The following VWDE variants were observed in gnomAD, a reference collection of about 807,000 sequenced individuals.
VWDE encodes the protein von Willebrand factor D and EGF domain-containing protein.
VWDE carries 207 observed loss-of-function variants against 178.4 expected under a neutral mutation model. That is an observed-to-expected ratio of 1.16 (90% confidence interval 1.04 to 1.30). The LOEUF is 1.30. VWDE is among the 50% of genes most tolerant of loss of function. The probability of loss-of-function intolerance (pLI) is 0.00; values close to 1 mark genes in which losing one functional copy is unlikely to be tolerated. For synonymous variants in VWDE, 738 were observed against 651.4 expected, an observed-to-expected ratio of 1.13 and a Z score of -2.02; for missense variants, 2,287 against 1,901.3, an observed-to-expected ratio of 1.20 and a Z score of -3.77.
At chr7:12,379,451 T>G in intron 6 of VWDE, 26 bp downstream of exon 6, 1 of 1,488,548 alleles carries the variant, frequency 6.7e-7, no homozygotes, top group South Asian at 1.2e-5. Flanking sequence ...GAATAATCTT[T>G]CTGATGCATC....
At chr7:12,366,676 TAATTTAGAG>T (rs1301860820) in intron 13 of VWDE, among the ~76,000 whole-genome samples, 1 of 152,112 alleles carries the variant, frequency 6.6e-6, no homozygotes, top group African/African-American at 2.4e-5. Flanking sequence ...TTGGCTTCAT[TAATTTAGAG>T]AAAAAGTAAG....
In VWDE at chr7:12,356,466, A is replaced by G; in HGVS notation, c.3526-136T>C. 9.1e-6 allele frequency: 6 copies of G among 657,218 alleles called. No individual in the cohort carries two copies. In the South Asian group the frequency reaches 1.3e-4, roughly 14 times the overall value. The allele number at this position is 657,218 out of a possible 1,614,324, so 40.7% of individuals were successfully genotyped here. On this transcript the variant is annotated intron_variant, in intron 17 of 28. Coordinates refer to ENST00000275358, the MANE Select transcript of VWDE (RefSeq NM_001135924.3). ...ACTTATATTTGATATATATACACAC[A>G]CACACAAATGTAATATAAAATTGTA...
intron 6 of VWDE, among the ~76,000 whole-genome samples, chr7:12,379,176 A>G (rs1306057104): frequency 6.6e-6 from 1 of 152,200 alleles, no homozygotes; most frequent in Non-Finnish European, 1.5e-5. Flanking sequence ...ATAACTAAAT[A>G]TTACTAGGCT....
intron 18 of VWDE, 132 bp from the exon 19 acceptor site, chr7:12,351,845 G>GTCA: frequency 1.3e-6 from 1 of 752,682 alleles, no homozygotes; most frequent in Non-Finnish European, 2.0e-6. Flanking sequence ...TCACTTAAAT[G>GTCA]TCATCTCTTC....
chr7:12,403,611 C>T (rs1785017533), intron 1 of VWDE, 48 bp downstream of exon 1: 1 of 1,518,430 alleles, frequency 6.6e-7, no homozygotes, highest in South Asian at 1.2e-5. Flanking sequence ...CTCTACCGCC[C>T]ACGCGGCGCC....
intron 28 of VWDE, among the ~76,000 whole-genome samples, chr7:12,331,452 C>G (rs1780716034): frequency 6.6e-6 from 1 of 152,052 alleles, no homozygotes; most frequent in Admixed American, 6.6e-5. Flanking sequence ...TTAGAAACAT[C>G]CATGCCCAAT....
At chr7:12,387,343 T>C (rs975846654) in intron 3 of VWDE, among the ~76,000 whole-genome samples, 5 of 152,020 alleles carry the variant, frequency 3.3e-5, no homozygotes, top group Non-Finnish European at 4.4e-5. Flanking sequence ...TGAAAAAAGA[T>C]TGCATTACAG....
chr7:12,356,046 T>C, intron 18 of VWDE, 65 bp downstream of exon 18: 1 of 1,289,238 alleles, frequency 7.8e-7, no homozygotes, highest in Non-Finnish European at 1.1e-6. Flanking sequence ...TTTGCTTAAG[T>C]AATCTGTAGA....
At chr7:12,383,405 T>C in intron 4 of VWDE, 131 bp downstream of exon 4, 1 of 732,162 alleles carries the variant, frequency 1.4e-6, no homozygotes, top group Non-Finnish European at 2.2e-6. Flanking sequence ...ATTTTTATTT[T>C]TGATAGCTAC....
chr7:12,403,483 T>A (rs904735031), intron 1 of VWDE, among the ~76,000 whole-genome samples, 176 bp downstream of exon 1: 1 of 152,140 alleles, frequency 6.6e-6, no homozygotes, highest in Non-Finnish European at 1.5e-5. Flanking sequence ...AGCTGGAAAT[T>A]GACCTTTTCA....
chr7:12,374,793 T>C (rs1198614180), intron 8 of VWDE, 31 bp from the exon 9 acceptor site: 11 of 1,359,718 alleles, frequency 8.1e-6, no homozygotes, highest in Non-Finnish European at 1.1e-5. Context: ...TGGTAAATAT[T>C]ACCATTAATT....
At position 12,351,797 on chromosome 7, in the gene VWDE, G is replaced by A. The variant is rs192388377; in HGVS notation, c.3746-84C>T. On this transcript the variant is annotated intron_variant, in intron 18 of 28. Coordinates refer to ENST00000275358, the MANE Select transcript of VWDE (RefSeq NM_001135924.3). The stretch of plus-strand genomic sequence containing the variant: ...ACAAATAAGAATATACAATACAAAC[G>A]CCACTTGGATTAAACTCTGCAAATT... 1.6e-5 allele frequency: 20 copies of A among 1,216,010 alleles called. No individual in the cohort carries two copies. The African/African-American group carries it at 2.2e-4, about 13-fold the overall frequency. 75.3% of individuals were successfully genotyped at this position (1,216,010 alleles called of 1,614,324 possible). A position where few individuals can be genotyped will look rare whatever the true frequency, so the allele number is the denominator to read the frequency against.
intron 1 of VWDE, among the ~76,000 whole-genome samples, chr7:12,396,891 T>A (rs1784652830): frequency 6.6e-6 from 1 of 152,102 alleles, no homozygotes; most frequent in South Asian, 2.1e-4. Context: ...GCCAAGGTCA[T>A]GCCATTACAC....
chr7:12,349,219 A>G (rs892197001), intron 19 of VWDE, among the ~76,000 whole-genome samples: 5 of 149,700 alleles, frequency 3.3e-5, no homozygotes, highest in African/African-American at 9.8e-5. Context: ...TAAAACTTAA[A>G]GTATAATAAT....
chr7:12,350,029 A>T (rs951817981), intron 19 of VWDE, among the ~76,000 whole-genome samples: 2 of 152,092 alleles, frequency 1.3e-5, no homozygotes, highest in African/African-American at 4.8e-5. Flanking sequence ...TAATGCTAGG[A>T]CAGACAATCT....
At chr7:12,372,298 G>A (rs1365339246) in intron 10 of VWDE, among the ~76,000 whole-genome samples, 12 of 151,560 alleles carry the variant, frequency 7.9e-5, no homozygotes, top group Non-Finnish European at 2.9e-5. Flanking sequence ...TTTGCATTTT[G>A]GTTTTCAGTG....
intron 12 of VWDE, 96 bp downstream of exon 12, chr7:12,369,449 A>C (rs890215282): frequency 1.5e-6 from 2 of 1,377,880 alleles, no homozygotes; most frequent in Non-Finnish European, 1.9e-6. Context: ...AAATCTGAAT[A>C]AACACTGTTA....
chr7:12,379,926 T>G (rs2128558281), intron 5 of VWDE, among the ~76,000 whole-genome samples: 1 of 152,118 alleles, frequency 6.6e-6, no homozygotes, highest in Admixed American at 6.5e-5. Context: ...ACCCCGTCTC[T>G]ACTGAAAATA....
intron 1 of VWDE, among the ~76,000 whole-genome samples, chr7:12,396,563 C>T (rs992182945): frequency 6.6e-6 from 1 of 152,110 alleles, no homozygotes; most frequent in Non-Finnish European, 1.5e-5. Context: ...TAGTTTCTGA[C>T]ATTCAAAATA....
Sources: gnomAD v4.1 joint callset for allele counts (sites outside exome capture counted in the v4.1 genomes callset) on GRCh38, gnomAD v4.1.1 for gene constraint, MANE v1.5 for transcripts, NCBI Gene and HGNC (gene_info 2026-07-23, HGNC 2026-07-21) for gene names.